KCNIP4: variants seen among roughly 807,000 people sequenced by gnomAD.
KCNIP4 encodes potassium voltage-gated channel interacting protein 4.
In KCNIP4, 12 loss-of-function variants were observed where a neutral mutation model predicts 34.0. The observed-to-expected ratio is 0.35, with a 90% confidence interval of 0.23 to 0.57. The LOEUF (loss-of-function observed/expected upper bound fraction) is 0.57. Ranked by LOEUF, KCNIP4 falls within the 20% of genes least tolerant of loss-of-function variation. The probability of loss-of-function intolerance (pLI) is 0.83; values close to 1 mark genes in which losing one functional copy is unlikely to be tolerated. For missense variants in KCNIP4, 238 were observed against 311.7 expected, an observed-to-expected ratio of 0.76 and a Z score of 1.78; for synonymous variants, 124 against 102.2, an observed-to-expected ratio of 1.21 and a Z score of -1.29.
chr4:20,896,563 G>A (rs922136666), intron 1 of KCNIP4, among the ~76,000 whole-genome samples: 1 of 152,170 alleles, frequency 6.6e-6, no homozygotes, highest in Non-Finnish European at 1.5e-5. Flanking sequence ...AGCCAGCTAA[G>A]AGCCAAGAAA....
intron 1 of KCNIP4, among the ~76,000 whole-genome samples, chr4:21,238,390 C>T (rs967144092): frequency 2.0e-5 from 3 of 152,082 alleles, no homozygotes; most frequent in African/African-American, 7.2e-5. Flanking sequence ...GGCAATCAGG[C>T]AGGAGAAGGA....
chr4:21,234,486 CGTATAT>C (rs1759186641), intron 1 of KCNIP4, among the ~76,000 whole-genome samples: 1 of 98,274 alleles, frequency 1.0e-5, no homozygotes. Context: ...GTACATATAA[CGTATAT>C]AATATATATT....
chr4:20,935,022 A>G (rs1240552739), intron 1 of KCNIP4, among the ~76,000 whole-genome samples: 4 of 152,118 alleles, frequency 2.6e-5, no homozygotes, highest in Admixed American at 2.6e-4. Context: ...CATGGCCTTC[A>G]TTCCTGTGTA....
chr4:20,854,889 G>C (rs1721411489), intron 2 of KCNIP4, among the ~76,000 whole-genome samples: 1 of 152,132 alleles, frequency 6.6e-6, no homozygotes, highest in Non-Finnish European at 1.5e-5. Context: ...TTTGCTTTGT[G>C]AATTATGTTT....
intron 1 of KCNIP4, among the ~76,000 whole-genome samples, chr4:21,868,956 T>G (rs1209232039): frequency 6.6e-6 from 1 of 152,222 alleles, no homozygotes; most frequent in African/African-American, 2.4e-5. Flanking sequence ...ATGTTCTCAC[T>G]GGGAAAACCA....
rs368848987 is a variant in KCNIP4, at chr4:21,726,316, C to T, written c.61+222255G>A. 4.9e-4 allele frequency among the ~76,000 whole-genome samples: 74 copies of T among 152,254 alleles called. No individual in the cohort carries two copies. In the South Asian group the frequency reaches 0.013, roughly 27 times the overall value. On this transcript the variant is annotated intron_variant, in intron 1 of 8. Transcript: ENST00000382152. Reference sequence around the variant, plus strand: ...AGCCAGCTCCAACAGCCTTTACAGTCTCTCAAAGAGGCATGTCTTCTGCTT... The same window carrying T: ...AGCCAGCTCCAACAGCCTTTACAGTTTCTCAAAGAGGCATGTCTTCTGCTT...
At chr4:21,836,762 C>T (rs973241626) in intron 1 of KCNIP4, among the ~76,000 whole-genome samples, 10 of 152,012 alleles carry the variant, frequency 6.6e-5, no homozygotes, top group Admixed American at 5.9e-4. Flanking sequence ...TGGGTTTCAA[C>T]TAGTTCCAGG....
At chr4:21,134,342 C>A (rs1751332430) in intron 1 of KCNIP4, among the ~76,000 whole-genome samples, 1 of 152,098 alleles carries the variant, frequency 6.6e-6, no homozygotes, top group African/African-American at 2.4e-5. Context: ...AATAACATTT[C>A]CTTTCTCTTG....
chr4:21,370,083 T>C (rs1720184474), intron 1 of KCNIP4, among the ~76,000 whole-genome samples: 1 of 147,482 alleles, frequency 6.8e-6, no homozygotes, highest in East Asian at 2.0e-4. Flanking sequence ...CACCTCGGCC[T>C]CCCGAAGTGC....
intron 1 of KCNIP4, among the ~76,000 whole-genome samples, chr4:21,157,844 G>A (rs1031481746): frequency 2.1e-4 from 32 of 151,744 alleles, no homozygotes; most frequent in African/African-American, 7.3e-4. Flanking sequence ...GCAGAAAACA[G>A]TAAAATAGAA....
intron 1 of KCNIP4, among the ~76,000 whole-genome samples, chr4:21,254,155 T>C (rs138771622): frequency 1.1e-4 from 16 of 152,344 alleles, no homozygotes; most frequent in African/African-American, 3.8e-4. Flanking sequence ...TGTAAATGTA[T>C]ATATATGCAT....
At chr4:21,207,203 A>G (rs11942862) in intron 1 of KCNIP4, among the ~76,000 whole-genome samples, 56,321 of 152,008 alleles carry the variant, frequency 0.37, 10,745 homozygotes, top group South Asian at 0.53. Context: ...TTTATAAGTT[A>G]TAATGTATTA....
chr4:21,155,190 C>T (rs749085144), intron 1 of KCNIP4, among the ~76,000 whole-genome samples: 3 of 152,078 alleles, frequency 2.0e-5, no homozygotes, highest in Admixed American at 6.5e-5. Flanking sequence ...CCCTATTTTG[C>T]GTACCTCCAG....
intron 1 of KCNIP4, among the ~76,000 whole-genome samples, chr4:21,589,605 T>A (rs1022345242): frequency 6.6e-6 from 1 of 151,850 alleles, no homozygotes; most frequent in Admixed American, 6.6e-5. Flanking sequence ...CAGCTGCTTC[T>A]CTGTATTTCG....
At chr4:21,168,103 T>G (rs1451043502) in intron 1 of KCNIP4, among the ~76,000 whole-genome samples, 5 of 152,222 alleles carry the variant, frequency 3.3e-5, no homozygotes, top group Non-Finnish European at 7.3e-5. Flanking sequence ...AGTATTCATT[T>G]GTACTTTTTC....
chr4:20,839,141 CT>C (rs1216165534), intron 3 of KCNIP4, among the ~76,000 whole-genome samples: 1 of 152,094 alleles, frequency 6.6e-6, no homozygotes, highest in East Asian at 1.9e-4. Context: ...TGTTTTCTAA[CT>C]TTTTTTAGGG....
At chr4:21,598,938 A>G (rs1427088613) in intron 1 of KCNIP4, among the ~76,000 whole-genome samples, 2 of 152,248 alleles carry the variant, frequency 1.3e-5, no homozygotes, top group Non-Finnish European at 2.9e-5. Context: ...GGTTAGGATT[A>G]TTAGACTTAT....
At chr4:20,803,797 TAGAA>T (rs1714728153) in intron 3 of KCNIP4, among the ~76,000 whole-genome samples, 1 of 149,488 alleles carries the variant, frequency 6.7e-6, no homozygotes, top group African/African-American at 2.5e-5. Context: ...AGAAAAACCA[TAGAA>T]AGAATCGAGA....
rs372377238 is a variant in KCNIP4 at position 20,740,938 on chromosome 4, CAG to C, written c.430-6205_430-6204del. Among the ~76,000 whole-genome samples the C allele has an allele frequency of 2.3e-3, 354 of 152,138 alleles. 8 individuals are homozygous for C. The South Asian group carries it at 0.046, about 20-fold the overall frequency. The stretch of plus-strand genomic sequence containing the variant: ...GTTGCAATCCTAGTCTCTGATAAAA[CAG>C]ACATTAAACCAACAAAGATCAAAAC... On this transcript the variant is annotated intron_variant, in intron 5 of 8. Transcript: ENST00000382152.
Sources: gnomAD v4.1 joint callset for allele counts (sites outside exome capture counted in the v4.1 genomes callset) on GRCh38, gnomAD v4.1.1 for gene constraint, MANE v1.5 for transcripts, NCBI Gene and HGNC (gene_info 2026-07-23, HGNC 2026-07-21) for gene names.